The following CHAF1A variants were observed in gnomAD, a reference collection of about 807,000 sequenced individuals.
CHAF1A encodes chromatin assembly factor 1 subunit A, also known as CAF-1 subunit A.
CHAF1A carries 5 observed loss-of-function variants against 93.2 expected under a neutral mutation model. The ratio of observed to expected loss-of-function variants is 0.05; its 90% CI spans 0.03 to 0.11. The LOEUF (loss-of-function observed/expected upper bound fraction) is 0.11, where lower values mean the gene tolerates loss of function less well. Ranked by LOEUF, CHAF1A falls within the 10% of genes least tolerant of loss-of-function variation. The pLI is 1.00. For synonymous variants in CHAF1A, 504 were observed against 510.3 expected (o/e 0.99, Z 0.17); for missense variants, 1,102 against 1,259.9 (o/e 0.87, Z 1.90).
chr19:4,426,431 G>A (rs867570528), intron 7 of CHAF1A, among the ~76,000 whole-genome samples: 1 of 151,912 alleles, frequency 6.6e-6, no homozygotes. Flanking sequence ...GCCTCCCAAA[G>A]GGCTGGGATT....
chr19:4,412,862 C>T (rs534708597), intron 3 of CHAF1A, among the ~76,000 whole-genome samples: 7 of 152,282 alleles, frequency 4.6e-5, no homozygotes, highest in African/African-American at 1.4e-4. Flanking sequence ...AGAAAGCGGC[C>T]ACAACCACCC....
intron 2 of CHAF1A, among the ~76,000 whole-genome samples, chr19:4,406,769 T>G (rs947731624): frequency 3.9e-5 from 6 of 152,084 alleles, no homozygotes; most frequent in African/African-American, 1.2e-4. Flanking sequence ...TTTGGGTTTT[T>G]CAAACTTGGG....
chr19:4,446,144 C>T (rs747763788), downstream of CHAF1A: 43 of 1,611,586 alleles, frequency 2.7e-5, no homozygotes, highest in Middle Eastern at 3.3e-4. Flanking sequence ...CTCTGCAGGG[C>T]CTCCCGGACG....
chr19:4,442,471 T>A, intron 14 of CHAF1A, 130 bp downstream of exon 14: 1 of 780,338 alleles, frequency 1.3e-6, no homozygotes, highest in Non-Finnish European at 2.1e-6. Context: ...CAGCTGGAAG[T>A]GGCTCCTGCC....
At chr19:4,427,467 C>T (rs1974105618) in intron 7 of CHAF1A, among the ~76,000 whole-genome samples, 1 of 141,936 alleles carries the variant, frequency 7.0e-6, no homozygotes, top group Non-Finnish European at 1.5e-5. Flanking sequence ...GGCTAGAGTA[C>T]AGTGGCGTGA....
rs1381296672 is a variant in CHAF1A, at chr19:4,408,981, T to G, written c.182T>G (p.Val61Gly). ...DDMSDDQGTSVQSKSPDLEAS... is the reference protein window; with the variant it reads ...DDMSDDQGTSGQSKSPDLEAS... ...ATGTCAGACGATCAGGGTACTTCTG[T>G]GCAAAGTAAAAGCCCCGATTTAGAG... Residue 61 changes from valine (V) to glycine (G), a missense_variant, in exon 3 of 15, where the codon GTG (valine) becomes GGG (glycine). Coordinates refer to ENST00000301280, the MANE Select transcript of CHAF1A (RefSeq NM_005483.3). 2.5e-6 allele frequency: 4 copies of G among 1,614,064 alleles called. No homozygotes were observed. The East Asian group carries it at 8.9e-5, about 36-fold the overall frequency.
intron 4 of CHAF1A, among the ~76,000 whole-genome samples, chr19:4,419,029 A>ATTTTTTTTTTTTTTTT (rs11406470): frequency 4.1e-5 from 4 of 96,474 alleles, no homozygotes; most frequent in African/African-American, 4.3e-5. Context: ...TAGCCAGCTA[A>ATTTTTTTTTTTTTTTT]TTTTTTTTTT....
downstream of CHAF1A, chr19:4,445,573 G>A (rs766184728): frequency 7.4e-6 from 12 of 1,613,802 alleles, no homozygotes; most frequent in Admixed American, 1.7e-5. Flanking sequence ...CGGCCTTGAT[G>A]TCCTCCAGCA....
At chr19:4,408,603 A>G (rs1973729559) in intron 2 of CHAF1A, among the ~76,000 whole-genome samples, 1 of 149,924 alleles carries the variant, frequency 6.7e-6, no homozygotes, top group Non-Finnish European at 1.5e-5. Context: ...CCTCCTCAGT[A>G]ACTGGTATTA....
At chr19:4,408,114 C>T (rs1390585450) in intron 2 of CHAF1A, among the ~76,000 whole-genome samples, 3 of 151,654 alleles carry the variant, frequency 2.0e-5, no homozygotes, top group Non-Finnish European at 4.4e-5. Flanking sequence ...TCAAGCGATC[C>T]TCCTGCCTCA....
In CHAF1A at chr19:4,443,073, G is replaced by T; in HGVS notation, c.*48G>T. ...ATGCTTAGGGTGTCCTCCCCACAGA[G>T]CAGATACTTGAACCGACTCAATTCC... On this transcript the variant is annotated 3_prime_UTR_variant, in exon 15 of 15. Transcript: ENST00000301280. The T allele has an allele frequency of 8.1e-7, 1 of 1,227,908 alleles. No homozygotes were observed. Among genetic ancestry groups the T allele is most frequent in the Non-Finnish European group, 1.2e-6 (1 of 849,984 alleles). The allele number at this position is 1,227,908 out of a possible 1,614,324, so 76.1% of individuals were successfully genotyped here.
intron 3 of CHAF1A, among the ~76,000 whole-genome samples, chr19:4,415,816 T>C (rs915854653): frequency 1.3e-5 from 2 of 152,102 alleles, no homozygotes; most frequent in Non-Finnish European, 2.9e-5. Context: ...TGTCTTGAGC[T>C]CATTCATCTG....
At position 4,409,707 on chromosome 19, in the gene CHAF1A, C is replaced by G. The variant is rs760566639; in HGVS notation, c.908C>G (p.Pro303Arg). The change falls in exon 3 of 15, where the codon CCA (proline) becomes CGA (arginine). Residue 303 changes from proline to arginine, a missense_variant. Physicochemically the swap from Pro to Arg is moderately radical, Grantham distance 103. Transcript: ENST00000301280. ...TCGCCCGAGGGGCCGCCTGCTCCCC[C>G]AAAGCAGCACAGCAGTACCAGTCCC... ...TSSPEGPPAP[P>R]KQHSSTSPFP... The G allele has an allele frequency of 8.7e-6, 14 of 1,613,984 alleles. No homozygotes were observed. In the East Asian group the frequency reaches 8.9e-5, roughly 10 times the overall value.
chr19:4,432,562 A>G (rs564135211), intron 12 of CHAF1A, among the ~76,000 whole-genome samples: 1 of 152,146 alleles, frequency 6.6e-6, no homozygotes, highest in Non-Finnish European at 1.5e-5. Context: ...GTGCTTCGAC[A>G]CCAGCCTGGG....
chr19:4,425,792 G>A (rs1300800155), intron 7 of CHAF1A, among the ~76,000 whole-genome samples: 1 of 152,206 alleles, frequency 6.6e-6, no homozygotes, highest in Non-Finnish European at 1.5e-5. Flanking sequence ...CATGAGCCAT[G>A]GCCAGAGTGC....
intron 7 of CHAF1A, among the ~76,000 whole-genome samples, chr19:4,424,878 G>A (rs955660612): frequency 2.6e-5 from 4 of 152,106 alleles, no homozygotes; most frequent in Admixed American, 1.3e-4. Flanking sequence ...CAGGTGATCC[G>A]CCCGCCTCAG....
downstream of CHAF1A, chr19:4,448,607 C>T (rs1004382359): frequency 2.0e-4 from 119 of 600,222 alleles, no homozygotes; most frequent in African/African-American, 2.0e-3. Context: ...AGGGCAGAGG[C>T]GACGCAGCCA....
At position 4,402,694 on chromosome 19, in the gene CHAF1A, G is replaced by C. The variant is rs562849745; in HGVS notation, c.-69G>C. 10,273 of 1,038,416 alleles carry C rather than the reference G, an allele frequency of 9.9e-3. 73 individuals carry two copies. The highest frequency in any genetic ancestry group is 0.012 in the Non-Finnish European group (9,532 of 822,642). The allele number at this position is 1,038,416 out of a possible 1,614,324, so 64.3% of individuals were successfully genotyped here. A position where few individuals can be genotyped will look rare whatever the true frequency, so the allele number is the denominator to read the frequency against. ...GCAGCGGCGCGGGCGGGAGGGCGAA[G>C]AGCAGCGGCCGCCTGAGGGGAGCCC... is the stretch of plus-strand genomic sequence containing the variant. On this transcript the variant is annotated 5_prime_UTR_variant, in exon 1 of 15. Transcript: ENST00000301280.
chr19:4,442,983 C>G lies in CHAF1A; in HGVS notation c.2829C>G (p.Thr943=). The change falls in exon 15 of 15, where the codon ACC becomes ACG. Residue 943 remains threonine (T), a synonymous_variant. Transcript: ENST00000301280. The stretch of plus-strand genomic sequence containing the variant: ...CTGGGGGTGGTGTGGGGGTGGACAC[C>G]GGCAAGGCCACCCTGACCGCGAGCC... ...SGAGGGVGVD[T]GKATLTASPL... 6.2e-7 allele frequency: 1 copy of G among 1,603,822 alleles called. No individual in the cohort carries two copies. The highest frequency in any genetic ancestry group is 8.5e-7 in the Non-Finnish European group (1 of 1,175,870).
Sources: gnomAD v4.1 joint callset for allele counts (sites outside exome capture counted in the v4.1 genomes callset) on GRCh38, gnomAD v4.1.1 for gene constraint, MANE v1.5 for transcripts, NCBI Gene and HGNC (gene_info 2026-07-23, HGNC 2026-07-21) for gene names.